Variants in LMX1B observed in about 807,000 individuals in gnomAD.
The protein encoded by LMX1B is LIM homeobox transcription factor 1 beta.
In LMX1B, 12 loss-of-function variants were observed where a neutral mutation model predicts 51.4. The observed-to-expected ratio is 0.23, with a 90% confidence interval of 0.15 to 0.38. The LOEUF (loss-of-function observed/expected upper bound fraction) is 0.38. Among genes scored for constraint, LMX1B ranks in the 10% least tolerant of loss-of-function variants. LMX1B has a pLI of 1.00. For missense variants in LMX1B, 445 were observed against 571.1 expected, an observed-to-expected ratio of 0.78 and a Z score of 2.25; for synonymous variants, 237 against 235.4, an observed-to-expected ratio of 1.01 and a Z score of -0.06.
intron 2 of LMX1B, among the ~76,000 whole-genome samples, chr9:126,667,960 C>A (rs1445396422): frequency 6.6e-6 from 1 of 152,086 alleles, no homozygotes; most frequent in Non-Finnish European, 1.5e-5. Flanking sequence ...TTAGGGAAAG[C>A]GGAGGCAGCT....
At chr9:126,627,180 G>C (rs906709315) in intron 2 of LMX1B, among the ~76,000 whole-genome samples, 1 of 151,984 alleles carries the variant, frequency 6.6e-6, no homozygotes, top group African/African-American at 2.4e-5. Flanking sequence ...AGCAGGAAGA[G>C]AGACCCCCCG....
At chr9:126,621,458 G>C (rs1835407810) in intron 2 of LMX1B, among the ~76,000 whole-genome samples, 1 of 152,210 alleles carries the variant, frequency 6.6e-6, no homozygotes, top group African/African-American at 2.4e-5. Context: ...GTGGTAGTGA[G>C]AGAGGGCTAA....
chr9:126,635,594 T>G (rs1465401559), intron 2 of LMX1B, among the ~76,000 whole-genome samples: 1 of 152,218 alleles, frequency 6.6e-6, no homozygotes, highest in Non-Finnish European at 1.5e-5. Flanking sequence ...CCACTTACCC[T>G]GTTTTTTTCA....
chr9:126,691,772 G>A (rs2118988876), intron 3 of LMX1B, among the ~76,000 whole-genome samples: 1 of 152,306 alleles, frequency 6.6e-6, no homozygotes, highest in South Asian at 2.1e-4. Flanking sequence ...GCAGTGAGAA[G>A]CAAACAGCCT....
chr9:126,646,919 T>C (rs6478750), intron 2 of LMX1B, among the ~76,000 whole-genome samples: 54,864 of 152,108 alleles, frequency 0.36, 10,325 homozygotes, highest in Middle Eastern at 0.51. Flanking sequence ...CACAATGTGA[T>C]AGGTGCTCTA....
At chr9:126,647,378 A>G (rs1013663901) in intron 2 of LMX1B, among the ~76,000 whole-genome samples, 4 of 152,186 alleles carry the variant, frequency 2.6e-5, no homozygotes, top group East Asian at 1.9e-4. Flanking sequence ...TCTGTTCTAC[A>G]TGCATAACTT....
Position 126,697,848 on chromosome 9 carries a change from TGTTTTGTTTTGTTTTG to T in LMX1B, c.*1398_*1413del, listed in dbSNP as rs1564171980. ...GATGGGGGCACCTACTGTTTTGTTT[TGTTTTGTTTTGTTTTG>T]TTTTGTTTTGTTTTGTTTTGTTTTG... On this transcript the variant is annotated 3_prime_UTR_variant, in exon 8 of 8. Coordinates refer to ENST00000373474, the MANE Select transcript of LMX1B (RefSeq NM_001174147.2). 5.8e-3 allele frequency: 705 copies of T among 121,590 alleles called. 4 individuals carry two copies. The highest frequency in any genetic ancestry group is 0.022 in the African/African-American group (671 of 29,860). The allele number at this position is 121,590 out of a possible 1,614,324, so 7.5% of individuals were successfully genotyped here.
chr9:126,641,828 G>A lies in LMX1B; in HGVS notation c.326+26259G>A, dbSNP rs1042163326. Among the ~76,000 whole-genome samples the A allele has an allele frequency of 2.6e-5, 4 of 152,142 alleles. No individual in the cohort carries two copies. The highest frequency in any genetic ancestry group is 5.9e-5 in the Non-Finnish European group (4 of 68,028). The stretch of plus-strand genomic sequence containing the variant: ...CAGCACCCAGCCTCTTGCCACTCAC[G>A]CGTGAGCAATTGTGGTCACAGCTGA... On this transcript the variant is annotated intron_variant, in intron 2 of 7. Coordinates refer to ENST00000373474, the MANE Select transcript of LMX1B (RefSeq NM_001174147.2). This position sits in a 1 kb window ranked among gnomAD's most constrained non-coding sequence, Gnocchi z 4.1.
At chr9:126,661,113 C>T (rs1345769795) in intron 2 of LMX1B, among the ~76,000 whole-genome samples, 2 of 152,202 alleles carry the variant, frequency 1.3e-5, no homozygotes, top group African/African-American at 2.4e-5. Context: ...AGCCTCTAAC[C>T]GTAGTAGACA....
rs890593082 is a variant in LMX1B at position 126,690,704 on chromosome 9, T to G, written c.327-132T>G. The G allele has an allele frequency of 8.2e-6, 6 of 735,208 alleles. No homozygotes were observed. In the African/African-American group the frequency reaches 1.1e-4, roughly 13 times the overall value. The allele number at this position is 735,208 out of a possible 1,614,324, so 45.5% of individuals were successfully genotyped here. On this transcript the variant is annotated intron_variant, in intron 2 of 7. Transcript: ENST00000373474. ...AGGGCCCTTCTGCTGTCTGACCTGG[T>G]GCCCAAGGAGGGCCTCTCCCTCCCA... is the stretch of plus-strand genomic sequence containing the variant.
intron 2 of LMX1B, among the ~76,000 whole-genome samples, chr9:126,651,323 G>A (rs1304437667): frequency 4.6e-5 from 7 of 151,918 alleles, no homozygotes; most frequent in East Asian, 1.9e-4. Flanking sequence ...AAGCTGCCCC[G>A]GGAAGGGCAG....
At chr9:126,660,542 C>T (rs928089065) in intron 2 of LMX1B, among the ~76,000 whole-genome samples, 5 of 152,192 alleles carry the variant, frequency 3.3e-5, no homozygotes, top group African/African-American at 9.7e-5. Context: ...CTTTGTGCCC[C>T]AGTTTTCTCA....
intron 1 of LMX1B, 106 bp downstream of exon 1, chr9:126,614,694 A>T: frequency 8.0e-7 from 1 of 1,250,412 alleles, no homozygotes; most frequent in African/African-American, 1.5e-5. Context: ...ATGGGTTTGC[A>T]GGACATGGGG....
At chr9:126,617,739 C>A (rs914689300) in intron 2 of LMX1B, among the ~76,000 whole-genome samples, 1 of 152,062 alleles carries the variant, frequency 6.6e-6, no homozygotes, top group African/African-American at 2.4e-5. Context: ...TGGCACAGGG[C>A]GAATCTCAGG....
intron 2 of LMX1B, among the ~76,000 whole-genome samples, chr9:126,669,398 G>C (rs936096778): frequency 6.6e-6 from 1 of 152,142 alleles, no homozygotes; most frequent in African/African-American, 2.4e-5. Context: ...TCTCTGCCTG[G>C]GCCTCCCTGG....
chr9:126,617,298 C>A (rs1003019193), intron 2 of LMX1B, among the ~76,000 whole-genome samples: 1 of 152,004 alleles, frequency 6.6e-6, no homozygotes, highest in Non-Finnish European at 1.5e-5. Flanking sequence ...GTGCCACTTA[C>A]ACCCAGCTCA....
In LMX1B at chr9:126,698,635, A is replaced by G. The variant is rs10733682; in HGVS notation, c.*2184A>G. 83,036 of 152,168 alleles carry G rather than the reference A, an allele frequency of 0.55. 23,775 individuals are homozygous for G. Among genetic ancestry groups the G allele is most frequent in the African/African-American group, 0.72 (29,746 of 41,436 alleles). 9.4% of individuals were successfully genotyped at this position (152,168 alleles called of 1,614,324 possible). ...CCCTTGTTCAGGTGCTCACAACCCTACCTTTAACTCTGAGGTCAAGCCCTA... is the reference window on the plus strand; with the variant it reads ...CCCTTGTTCAGGTGCTCACAACCCTGCCTTTAACTCTGAGGTCAAGCCCTA... On this transcript the variant is annotated 3_prime_UTR_variant, in exon 8 of 8. Coordinates refer to ENST00000373474, the MANE Select transcript of LMX1B (RefSeq NM_001174147.2).
At chr9:126,657,692 TC>T (rs1331683888) in intron 2 of LMX1B, among the ~76,000 whole-genome samples, 3 of 152,332 alleles carry the variant, frequency 2.0e-5, no homozygotes, top group African/African-American at 7.2e-5. Context: ...TCTTGATGCA[TC>T]CATTCATTCA....
Position 126,625,038 on chromosome 9 carries a change from C to T in LMX1B, c.326+9469C>T, listed in dbSNP as rs1393125186. On this transcript the variant is annotated intron_variant, in intron 2 of 7. Coordinates refer to ENST00000373474, the MANE Select transcript of LMX1B (RefSeq NM_001174147.2). This position sits in a 1 kb window ranked among gnomAD's most constrained non-coding sequence, Gnocchi z 5.3. ...CAGGGCTCTGTCGTTTAATCAGAGG[C>T]TGTGCCGCTCAAACCGCGGGGCCCT... 1.3e-5 allele frequency among the ~76,000 whole-genome samples: 2 copies of T among 152,234 alleles called. No homozygotes were observed. Among genetic ancestry groups the T allele is most frequent in the African/African-American group, 2.4e-5 (1 of 41,468 alleles).
Sources: gnomAD v4.1 joint callset for allele counts (sites outside exome capture counted in the v4.1 genomes callset) on GRCh38, gnomAD v4.1.1 for gene constraint, Gnocchi (gnomAD v3.1) non-coding constraint, MANE v1.5 for transcripts, NCBI Gene and HGNC (gene_info 2026-07-23, HGNC 2026-07-21) for gene names.